PTGR3: variants seen among roughly 807,000 people sequenced by gnomAD.
PTGR3 encodes zinc binding alcohol dehydrogenase domain containing 2.
the PTGR3 span, among the ~76,000 whole-genome samples, chr18:75,204,389 A>AG: frequency 1.3e-5 from 2 of 152,120 alleles, no homozygotes; most frequent in Admixed American, 1.3e-4. Context: ...CAAGTTTGGG[A>AG]GGGGGGAGTG....
chr18:75,202,532 C>T, the PTGR3 span, among the ~76,000 whole-genome samples: 4 of 152,086 alleles, frequency 2.6e-5, no homozygotes, highest in Non-Finnish European at 5.9e-5. Flanking sequence ...GTTCAATGTG[C>T]TTTGTCTCAG....
the PTGR3 span, among the ~76,000 whole-genome samples, chr18:75,202,892 A>G: frequency 1.3e-5 from 2 of 152,214 alleles, no homozygotes; most frequent in African/African-American, 2.4e-5. Flanking sequence ...TTAAAGATTG[A>G]TGGAATGTGC....
the PTGR3 span, among the ~76,000 whole-genome samples, chr18:75,204,719 T>C: frequency 6.6e-6 from 1 of 151,410 alleles, no homozygotes; most frequent in South Asian, 2.1e-4. Context: ...CGCGGTGGAG[T>C]TGAGATTCCT....
At chr18:75,204,259 C>G in the PTGR3 span, among the ~76,000 whole-genome samples, 1 of 152,046 alleles carries the variant, frequency 6.6e-6, no homozygotes, top group Admixed American at 6.5e-5. Context: ...TGCAACCCCC[C>G]CTCTCCCCGC....
At chr18:75,198,416 C>G in the PTGR3 span, 1 of 152,142 alleles carries the variant, frequency 6.6e-6, no homozygotes, top group African/African-American at 2.4e-5. Flanking sequence ...TACAGAGGCT[C>G]TATCCTACTC....
At chr18:75,201,113 C>T in the PTGR3 span, 1 of 350,864 alleles carries the variant, frequency 2.9e-6, no homozygotes, top group Non-Finnish European at 5.2e-6. Context: ...TCAGATCTGG[C>T]ATCAGGAATG....
the PTGR3 span, chr18:75,201,267 A>T: frequency 1.6e-6 from 1 of 633,388 alleles, no homozygotes; most frequent in Non-Finnish European, 2.6e-6. Flanking sequence ...GAGGAGGAGG[A>T]GGAGAAGGAG....
chr18:75,199,658 T>C, the PTGR3 span: 1 of 152,550 alleles, frequency 6.6e-6, no homozygotes, highest in African/African-American at 2.4e-5. Context: ...TGGACGGGTT[T>C]TTCCTAGTCC....
the PTGR3 span, chr18:75,202,432 C>A: frequency 4.1e-6 from 5 of 1,208,714 alleles, no homozygotes; most frequent in Non-Finnish European, 5.8e-6. Flanking sequence ...TTCTGGCGAC[C>A]CTGGAGGGGT....
chr18:75,201,397 TTA>T, the PTGR3 span: 1 of 1,584,798 alleles, frequency 6.3e-7, no homozygotes, highest in Middle Eastern at 1.7e-4. Flanking sequence ...CTCCCTTGAT[TTA>T]TGTCATTGTT....
chr18:75,208,145 G>C, the PTGR3 span, among the ~76,000 whole-genome samples: 56 of 152,222 alleles, frequency 3.7e-4, no homozygotes, highest in African/African-American at 1.3e-3. Context: ...GCAACAACCC[G>C]GTGTCACCTG....
At chr18:75,206,568 G>T in the PTGR3 span, among the ~76,000 whole-genome samples, 3 of 152,170 alleles carry the variant, frequency 2.0e-5, no homozygotes, top group African/African-American at 7.2e-5. Context: ...CACATCCACT[G>T]ACACTGTTTG....
the PTGR3 span, chr18:75,208,570 G>T: frequency 1.5e-5 from 14 of 962,894 alleles, no homozygotes; most frequent in South Asian, 5.1e-5. Context: ...GGGGAGGAGG[G>T]AGGGCTGGAG....
At chr18:75,202,876 A>T in the PTGR3 span, among the ~76,000 whole-genome samples, 1 of 152,222 alleles carries the variant, frequency 6.6e-6, no homozygotes, top group African/African-American at 2.4e-5. Context: ...AATGACAATG[A>T]TATTATTAAA....
the PTGR3 span, among the ~76,000 whole-genome samples, chr18:75,206,177 T>C: frequency 8.5e-5 from 13 of 152,212 alleles, no homozygotes; most frequent in African/African-American, 2.2e-4. Context: ...ATACATTCTA[T>C]AGGGATTTTA....
the PTGR3 span, chr18:75,208,984 C>G: frequency 6.3e-6 from 10 of 1,594,358 alleles, no homozygotes; most frequent in African/African-American, 1.4e-5. Context: ...TGGCGGAGCC[C>G]TGGAAGTCCA....
chr18:75,205,381 C>T, the PTGR3 span: 10 of 985,628 alleles, frequency 1.0e-5, no homozygotes, highest in Non-Finnish European at 1.1e-5. Context: ...ACCCCCACCC[C>T]CCCTTTAATT....
At chr18:75,201,785 C>CCTGG in the PTGR3 span, 1 of 1,614,174 alleles carries the variant, frequency 6.2e-7, no homozygotes, top group Non-Finnish European at 8.5e-7. Context: ...CGTCTACAGC[C>CCTGG]AAGTCAAACA....
the PTGR3 span, chr18:75,208,249 A>G: frequency 1.1e-6 from 1 of 902,554 alleles, no homozygotes; most frequent in Non-Finnish European, 1.3e-6. Flanking sequence ...GGTCGTTAAC[A>G]CTCAGGGGAC....
Sources: allele counts gnomAD v4.1 joint callset (sites outside exome capture counted in the v4.1 genomes callset), GRCh38; gene constraint gnomAD v4.1.1; transcripts MANE v1.5; gene names NCBI Gene and HGNC (gene_info 2026-07-23, HGNC 2026-07-21).